Variants in CLMP observed in about 807,000 individuals in gnomAD.
CLMP encodes CXADR like cell adhesion molecule.
In CLMP, 27 loss-of-function variants were observed where a neutral mutation model predicts 45.2. That is an observed-to-expected ratio of 0.60 (90% CI 0.44 to 0.82). The LOEUF (loss-of-function observed/expected upper bound fraction) is 0.82. Among genes scored for constraint, CLMP ranks in the 40% least tolerant of loss-of-function variants. The pLI is 0.00. For missense variants in CLMP, 403 were observed against 448.4 expected (o/e 0.90, Z 0.91); for synonymous variants, 167 against 171.4 (o/e 0.97, Z 0.20).
intron 1 of CLMP, among the ~76,000 whole-genome samples, chr11:123,130,761 T>C (rs1456932998): frequency 6.6e-6 from 1 of 152,086 alleles, no homozygotes; most frequent in East Asian, 1.9e-4. Flanking sequence ...CATTCAGAGC[T>C]GCTTCTAAAC....
intron 1 of CLMP, among the ~76,000 whole-genome samples, chr11:123,111,975 C>A (rs934959014): frequency 6.6e-6 from 1 of 152,106 alleles, no homozygotes; most frequent in African/African-American, 2.4e-5. Context: ...TGGTCTTGAA[C>A]TCTGGGTCTC....
intron 1 of CLMP, among the ~76,000 whole-genome samples, chr11:123,150,488 G>GAAGGAAGAAAGA (rs1861310058): frequency 2.1e-5 from 1 of 47,840 alleles, no homozygotes; most frequent in East Asian, 9.9e-4. Context: ...AGAAAGGAAG[G>GAAGGAAGAAAGA]AAGGAAGGAA....
chr11:123,186,523 T>A (rs559769965), intron 1 of CLMP, among the ~76,000 whole-genome samples: 1,630 of 142,892 alleles, frequency 0.011, 30 homozygotes, highest in African/African-American at 0.039. Context: ...TTTGTGAGCT[T>A]TTTTTTTTTT....
chr11:123,159,522 G>T (rs1439369774), intron 1 of CLMP, among the ~76,000 whole-genome samples: 2 of 152,230 alleles, frequency 1.3e-5, no homozygotes, highest in Admixed American at 1.3e-4. Context: ...GTCACTTACT[G>T]GTTGGAGTCA....
rs966439345 is a variant in CLMP, at chr11:123,145,475, T to G, written c.29-47523A>C. Among the ~76,000 whole-genome samples the G allele has an allele frequency of 1.8e-3, 170 of 92,626 alleles. 1 individual carries two copies. The highest frequency in any genetic ancestry group is 8.5e-3 in the African/African-American group (157 of 18,570). The allele number at this position is 92,626 out of a possible 152,430, so 60.8% of individuals were successfully genotyped here. On this transcript the variant is annotated intron_variant, in intron 1 of 6. Transcript: ENST00000448775. ...CTGTTTTTTTTTTTTTTTTTTTTTTTTTTTGAGACGGGAGTCTTGCCCTGT... is the reference window on the plus strand; with the variant it reads ...CTGTTTTTTTTTTTTTTTTTTTTTTGTTTTGAGACGGGAGTCTTGCCCTGT...
chr11:123,131,908 A>G (rs1860995380), intron 1 of CLMP, among the ~76,000 whole-genome samples: 1 of 152,060 alleles, frequency 6.6e-6, no homozygotes, highest in Non-Finnish European at 1.5e-5. Flanking sequence ...GAGCCACTGC[A>G]CCTGACCAAG....
rs567417627 is a variant in CLMP, at chr11:123,150,448, A to G, written c.28+44465T>C. On this transcript the variant is annotated intron_variant, in intron 1 of 6. Coordinates refer to ENST00000448775, the MANE Select transcript of CLMP (RefSeq NM_024769.5). Reference sequence around the variant, plus strand: ...GAAAGAAAGAAAGAAAGAAAGAAAGAAAGAAAGAAAGAAAGAAAGAAAGAA... The same window carrying G: ...GAAAGAAAGAAAGAAAGAAAGAAAGGAAGAAAGAAAGAAAGAAAGAAAGAA... 6.8e-5 allele frequency among the ~76,000 whole-genome samples: 6 copies of G among 87,824 alleles called. No homozygotes were observed. In the South Asian group the frequency reaches 2.1e-3, roughly 30 times the overall value. 57.6% of individuals were successfully genotyped at this position (87,824 alleles called of 152,430 possible). A position where few individuals can be genotyped will look rare whatever the true frequency, so the allele number is the denominator to read the frequency against.
At chr11:123,078,922 G>A (rs1382187685) in intron 5 of CLMP, among the ~76,000 whole-genome samples, 1 of 152,112 alleles carries the variant, frequency 6.6e-6, no homozygotes, top group African/African-American at 2.4e-5. Context: ...GGGATTATAG[G>A]CGTGAGTCAC....
At chr11:123,087,508 C>CA (rs59112247) in intron 2 of CLMP, among the ~76,000 whole-genome samples, 1 of 148,852 alleles carries the variant, frequency 6.7e-6, no homozygotes, top group African/African-American at 2.5e-5. Flanking sequence ...GATTCTGTCT[C>CA]AAAAAAATAA....
intron 1 of CLMP, among the ~76,000 whole-genome samples, chr11:123,124,677 G>A (rs1397495740): frequency 1.3e-5 from 2 of 152,106 alleles, no homozygotes; most frequent in South Asian, 4.1e-4. Context: ...CATCTGCAGC[G>A]CTGGGCATAC....
At chr11:123,112,010 A>G (rs906339491) in intron 1 of CLMP, among the ~76,000 whole-genome samples, 6 of 152,156 alleles carry the variant, frequency 3.9e-5, no homozygotes, top group African/African-American at 1.4e-4. Context: ...GCTCGGAAAA[A>G]AACTTATTTT....
At chr11:123,150,480 A>G (rs11219028) in intron 1 of CLMP, among the ~76,000 whole-genome samples, 1,848 of 40,438 alleles carry the variant, frequency 0.046, 70 homozygotes, top group Non-Finnish European at 0.057. Flanking sequence ...AGAAAGAAAG[A>G]AAGGAAGGAA....
intron 6 of CLMP, 143 bp from the exon 7 acceptor site, chr11:123,073,917 C>T (rs528062131): frequency 5.2e-6 from 4 of 776,468 alleles, no homozygotes; most frequent in South Asian, 1.9e-5. Flanking sequence ...GGTGCTTCCT[C>T]GTATCTTAAG....
chr11:123,083,787 G>C lies in CLMP; in HGVS notation c.449C>G (p.Thr150Ser). ...EGELTEGSDL[T>S]LQCESSSGTE... ...GCCAGAGGATGACTCACACTGCAAA[G>C]TCAGGTCACTTCCTTCTGTCAGCTC... The change falls in exon 4 of 7, where the codon ACT (threonine) becomes AGT (serine). Residue 150 changes from threonine to serine, a missense_variant. Coordinates refer to ENST00000448775, the MANE Select transcript of CLMP (RefSeq NM_024769.5). The C allele has an allele frequency of 6.2e-7, 1 of 1,613,966 alleles. No homozygotes were observed. Among genetic ancestry groups the C allele is most frequent in the Non-Finnish European group, 8.5e-7 (1 of 1,180,028 alleles).
At chr11:123,189,762 C>CACTCAAA (rs1262143338) in intron 1 of CLMP, among the ~76,000 whole-genome samples, 1 of 152,062 alleles carries the variant, frequency 6.6e-6, no homozygotes, top group Non-Finnish European at 1.5e-5. Context: ...AATCCCAGCC[C>CACTCAAA]ATTGGGAGGC....
At chr11:123,136,560 A>ATTTTTT (rs34074982) in intron 1 of CLMP, among the ~76,000 whole-genome samples, 23 of 85,854 alleles carry the variant, frequency 2.7e-4, no homozygotes, top group African/African-American at 6.5e-4. Context: ...CTTTTAAGTA[A>ATTTTTT]TTTTTTTTTT....
rs1429644842 is a variant in CLMP, at chr11:123,072,443, C to T, written c.*1031G>A. On this transcript the variant is annotated 3_prime_UTR_variant, in exon 7 of 7. Coordinates refer to ENST00000448775, the MANE Select transcript of CLMP (RefSeq NM_024769.5). ...GCCTGGCACCATGCCCGGCTACCTTCCTTGACATATTAAGAGAAAACTGAT... is the reference window on the plus strand; with the variant it reads ...GCCTGGCACCATGCCCGGCTACCTTTCTTGACATATTAAGAGAAAACTGAT... The T allele has an allele frequency of 6.6e-6, 1 of 152,048 alleles. No individual in the cohort carries two copies. Among genetic ancestry groups the T allele is most frequent in the Non-Finnish European group, 1.5e-5 (1 of 68,028 alleles). The allele number at this position is 152,048 out of a possible 1,614,324, so 9.4% of individuals were successfully genotyped here.
rs1277891723 is a variant in CLMP at position 123,072,256 on chromosome 11, A to G, written c.*1218T>C. On this transcript the variant is annotated 3_prime_UTR_variant, in exon 7 of 7. Coordinates refer to ENST00000448775, the MANE Select transcript of CLMP (RefSeq NM_024769.5). ...GTTCATATCCTTCTAAAATGGAAGA[A>G]ATGGAGGAAGTTCCAAGTGTGGTAC... is the stretch of plus-strand genomic sequence containing the variant. 1 of 152,174 alleles carries G rather than the reference A, an allele frequency of 6.6e-6. No individual in the cohort carries two copies. Among genetic ancestry groups the G allele is most frequent in the Non-Finnish European group, 1.5e-5 (1 of 68,030 alleles). 9.4% of individuals were successfully genotyped at this position (152,174 alleles called of 1,614,324 possible). A position where few individuals can be genotyped will look rare whatever the true frequency, so the allele number is the denominator to read the frequency against.
At chr11:123,162,619 G>C (rs1295639202) in intron 1 of CLMP, among the ~76,000 whole-genome samples, 1 of 152,000 alleles carries the variant, frequency 6.6e-6, no homozygotes, top group Non-Finnish European at 1.5e-5. Flanking sequence ...TAAATGGCCA[G>C]GTGTGATGGC....
Sources: allele counts gnomAD v4.1 joint callset (sites outside exome capture counted in the v4.1 genomes callset), GRCh38; gene constraint gnomAD v4.1.1; transcripts MANE v1.5; gene names NCBI Gene and HGNC (gene_info 2026-07-23, HGNC 2026-07-21).